Variants in MAEA observed in about 807,000 individuals in gnomAD.
MAEA encodes E3 ubiquitin-protein transferase MAEA.
MAEA carries 22 observed loss-of-function variants against 46.2 expected under a neutral mutation model. The observed-to-expected ratio is 0.48, with a 90% CI of 0.34 to 0.68. The LOEUF is 0.68. Among genes scored for constraint, MAEA ranks in the 30% least tolerant of loss-of-function variants. MAEA has a pLI of 0.01. For synonymous variants in MAEA, 246 were observed against 222.6 expected (o/e 1.11, Z -0.94); for missense variants, 393 against 558.1 (o/e 0.70, Z 2.98).
At chr4:1,292,330 A>G (rs1734176962) in intron 1 of MAEA, among the ~76,000 whole-genome samples, 1 of 152,214 alleles carries the variant, frequency 6.6e-6, no homozygotes, top group Non-Finnish European at 1.5e-5. Context: ...TTTCAGCAGT[A>G]ACACTTGGGA....
At chr4:1,316,072 G>C (rs867955621) in intron 3 of MAEA, among the ~76,000 whole-genome samples, 1 of 152,028 alleles carries the variant, frequency 6.6e-6, no homozygotes, top group South Asian at 2.1e-4. Flanking sequence ...CACACATCCT[G>C]CTTAGGATTT....
At chr4:1,303,796 T>C (rs1735563997) in intron 1 of MAEA, among the ~76,000 whole-genome samples, 1 of 151,894 alleles carries the variant, frequency 6.6e-6, no homozygotes. Flanking sequence ...CAGTAAAAAT[T>C]GGTAAAATTA....
At chr4:1,316,377 C>T (rs917298508) in intron 3 of MAEA, among the ~76,000 whole-genome samples, 5 of 151,724 alleles carry the variant, frequency 3.3e-5, no homozygotes, top group Non-Finnish European at 5.9e-5. Flanking sequence ...TTGGGCCCGT[C>T]GCCCTTGCCC....
intron 3 of MAEA, among the ~76,000 whole-genome samples, chr4:1,317,491 G>T (rs1368766878): frequency 6.6e-6 from 1 of 151,824 alleles, no homozygotes; most frequent in Non-Finnish European, 1.5e-5. Context: ...TGCCCTGGGT[G>T]GAGCGGCACC....
rs1184288940 is a variant in MAEA, at chr4:1,314,936, G to A, written c.253-461G>A. 4.6e-5 allele frequency among the ~76,000 whole-genome samples: 7 copies of A among 152,214 alleles called. 1 individual carries two copies. The South Asian group carries it at 1.2e-3, about 27-fold the overall frequency. On this transcript the variant is annotated intron_variant, in intron 2 of 8. Transcript: ENST00000303400. ...CAGTTGCACCACTGCCCTTAAGTGT[G>A]TGGCAGCCACGTGGGCTGGTGGCAG...
chr4:1,327,216 G>A (rs1016476575), intron 4 of MAEA, among the ~76,000 whole-genome samples: 5 of 152,274 alleles, frequency 3.3e-5, no homozygotes, highest in African/African-American at 1.2e-4. Context: ...CCCGGTGGGA[G>A]TGTAGAGGAA....
Position 1,303,110 on chromosome 4 carries a change from C to T in MAEA, c.70-8869C>T, listed in dbSNP as rs76136921. On this transcript the variant is annotated intron_variant, in intron 1 of 8. Transcript: ENST00000303400. ...ACTCTTAAGAATGTCATCCTCGGGC[C>T]GGGTGTGGTGGCTCATGCCTGTAAT... 3.2e-3 allele frequency among the ~76,000 whole-genome samples: 484 copies of T among 151,070 alleles called. 4 individuals are homozygous for T. Among genetic ancestry groups the T allele is most frequent in the Non-Finnish European group, 3.8e-3 (257 of 67,816 alleles).
At position 1,339,300 on chromosome 4, in the gene MAEA, A is replaced by G. The variant is rs544511388; in HGVS notation, c.*131A>G. 22 of 671,580 alleles carry G rather than the reference A, an allele frequency of 3.3e-5. No individual in the cohort carries two copies. The South Asian group carries it at 3.4e-4, about 11-fold the overall frequency. The allele number at this position is 671,580 out of a possible 1,614,324, so 41.6% of individuals were successfully genotyped here. A position where few individuals can be genotyped will look rare whatever the true frequency, so the allele number is the denominator to read the frequency against. On this transcript the variant is annotated 3_prime_UTR_variant, in exon 9 of 9. Transcript: ENST00000303400. ...TGCGACCAAAGATCCGTGAGCAACGATAAATACTCTTAGGAAGAGAGAAAA... is the reference window on the plus strand; with the variant it reads ...TGCGACCAAAGATCCGTGAGCAACGGTAAATACTCTTAGGAAGAGAGAAAA...
intron 5 of MAEA, chr4:1,330,199 G>A (rs1711515068): frequency 1.0e-6 from 1 of 957,126 alleles, no homozygotes; most frequent in Non-Finnish European, 1.2e-6. Context: ...CCAGGCGGCT[G>A]GGACCTGGCC....
chr4:1,337,312 T>G, intron 7 of MAEA: 1 of 295,646 alleles, frequency 3.4e-6, no homozygotes, highest in Non-Finnish European at 5.9e-6. Context: ...AGAATAGTTT[T>G]CCCGTGTGAT....
intron 5 of MAEA, chr4:1,329,735 G>T: frequency 1.6e-5 from 16 of 985,664 alleles, no homozygotes; most frequent in Non-Finnish European, 1.9e-5. Context: ...GGACGTTTGT[G>T]GGGTGAGGGA....
At chr4:1,329,901 G>A (rs1279935512) in intron 5 of MAEA, 8 of 985,378 alleles carry the variant, frequency 8.1e-6, no homozygotes, top group Non-Finnish European at 9.6e-6. Context: ...GGAGCTTCCC[G>A]TCCACCTCTG....
In MAEA at chr4:1,336,872, C is replaced by T. The variant is rs1314695614; in HGVS notation, c.777C>T (p.Asp259=). 6.2e-7 allele frequency: 1 copy of T among 1,613,808 alleles called. No homozygotes were observed. Among genetic ancestry groups the T allele is most frequent in the Non-Finnish European group, 8.5e-7 (1 of 1,179,904 alleles). Reference sequence around the variant, plus strand: ...TCTCTGTCTTCCAGGACCTTCTGGACCCTGCACGGTGGCGGATGCTGATCC... The same window carrying T: ...TCTCTGTCTTCCAGGACCTTCTGGATCCTGCACGGTGGCGGATGCTGATCC... ...THISPYKDLL[D]PARWRMLIQQ... is the part of the protein sequence containing the mutation. Residue 259 remains aspartate (D), a synonymous_variant, in exon 7 of 9, where the codon GAC becomes GAT. Coordinates refer to ENST00000303400, the MANE Select transcript of MAEA (RefSeq NM_001017405.3).
At position 1,311,490 on chromosome 4, in the gene MAEA, C is replaced by T. The variant is rs1035843432; in HGVS notation, c.70-489C>T. On this transcript the variant is annotated intron_variant, in intron 1 of 8. Transcript: ENST00000303400. The surrounding 1 kb of genome is among the most constrained non-coding windows in gnomAD (Gnocchi z 4.4). Reference sequence around the variant, plus strand: ...TGTGGGTCGTGCACTTGTGGCTTCCCGTGCGTGTGTGAGGCTTGCTGTGCC... The same window carrying T: ...TGTGGGTCGTGCACTTGTGGCTTCCTGTGCGTGTGTGAGGCTTGCTGTGCC... Among the ~76,000 whole-genome samples the T allele has an allele frequency of 1.3e-5, 2 of 152,188 alleles. No homozygotes were observed. The highest frequency in any genetic ancestry group is 1.9e-4 in the East Asian group (1 of 5,180).
rs745883222 is a variant in MAEA at position 1,332,889 on chromosome 4, G to A, written c.765+24G>A. ...AGGTAGGGCGTGCGTCCCTGGGGTC[G>A]GTGTCATGCTGGGGTGGGGATCCAG... On this transcript the variant is annotated intron_variant, in intron 6 of 8. Transcript: ENST00000303400. 9.6e-6 allele frequency: 15 copies of A among 1,566,916 alleles called. No individual in the cohort carries two copies. The East Asian group carries it at 2.5e-4, about 26-fold the overall frequency.
chr4:1,295,492 C>G (rs1323174022), intron 1 of MAEA, among the ~76,000 whole-genome samples: 1 of 151,850 alleles, frequency 6.6e-6, no homozygotes, highest in African/African-American at 2.4e-5. Flanking sequence ...CCAGAGCAGC[C>G]TCCTTCCTCT....
intron 4 of MAEA, chr4:1,323,655 TCC>T (rs775444374): frequency 2.9e-6 from 2 of 700,336 alleles, no homozygotes; most frequent in South Asian, 3.0e-5. Context: ...CCACACTCCC[TCC>T]CAGAGAGCCG....
rs554615274 is a variant in MAEA at position 1,309,704 on chromosome 4, G to A, written c.70-2275G>A. On this transcript the variant is annotated intron_variant, in intron 1 of 8. Coordinates refer to ENST00000303400, the MANE Select transcript of MAEA (RefSeq NM_001017405.3). ...GGGGTCTTCCAGTTGTGAAGACACC[G>A]TGGCCCCGGTGAGCCCCTCCCCGGC... 1.0e-4 allele frequency: 157 copies of A among 1,527,948 alleles called. No homozygotes were observed. The East Asian group carries it at 3.2e-3, about 31-fold the overall frequency. 94.6% of individuals were successfully genotyped at this position (1,527,948 alleles called of 1,614,324 possible). A position where few individuals can be genotyped will look rare whatever the true frequency, so the allele number is the denominator to read the frequency against.
At chr4:1,314,541 C>T (rs11247988) in intron 2 of MAEA, among the ~76,000 whole-genome samples, 1 of 151,928 alleles carries the variant, frequency 6.6e-6, no homozygotes, top group Non-Finnish European at 1.5e-5. Flanking sequence ...AGAGCAGAAA[C>T]CTGTGGCATG....
Sources: allele counts gnomAD v4.1 joint callset (sites outside exome capture counted in the v4.1 genomes callset), GRCh38; gene constraint gnomAD v4.1.1; non-coding constraint Gnocchi (gnomAD v3.1); transcripts MANE v1.5; gene names NCBI Gene and HGNC (gene_info 2026-07-23, HGNC 2026-07-21).